The following LRRC8E variants were observed in gnomAD, a reference collection of about 807,000 sequenced individuals.
LRRC8E encodes volume-regulated anion channel subunit LRRC8E.
In LRRC8E, 6 loss-of-function variants were observed where a neutral mutation model predicts 6.1. The observed-to-expected ratio is 0.98, with a 90% CI of 0.54 to 1.93. The LOEUF (loss-of-function observed/expected upper bound fraction) is 1.93, where lower values mean the gene tolerates loss of function less well. LRRC8E is among the 30% of genes most tolerant of loss of function. LRRC8E has a pLI of 0.01. For synonymous variants in LRRC8E, 485 were observed against 472.8 expected (o/e 1.03, Z -0.33); for missense variants, 1,028 against 1,031.4 (o/e 1.00, Z 0.04).
Position 7,901,075 on chromosome 19 carries a change from G to T in LRRC8E, c.*162G>T. The T allele has an allele frequency of 1.7e-6, 1 of 604,370 alleles. No homozygotes were observed. 37.4% of individuals were successfully genotyped at this position (604,370 alleles called of 1,614,324 possible). A position where few individuals can be genotyped will look rare whatever the true frequency, so the allele number is the denominator to read the frequency against. On this transcript the variant is annotated 3_prime_UTR_variant, in exon 3 of 3. Coordinates refer to ENST00000306708, the MANE Select transcript of LRRC8E (RefSeq NM_025061.6). The stretch of plus-strand genomic sequence containing the variant: ...CTGGGGCCCAGGAGGATCTGGGCTG[G>T]TTTGTCTGGGGAGACAGACAGGATG...
chr19:7,893,583 C>T (rs1210438157), intron 1 of LRRC8E: 1 of 150,926 alleles, frequency 6.6e-6, no homozygotes, highest in African/African-American at 2.4e-5. Flanking sequence ...AGTCTCGCTC[C>T]GTCTCCCAGG....
rs1981986502 is a variant in LRRC8E, at chr19:7,901,025, G to GGC, written c.*113_*114insCG. ...GTGGGTCCAGGCCAGGAGATGGGGG[G>GGC]GGCGGGGGCAGCTGTGTCATCTTTC... is the stretch of plus-strand genomic sequence containing the variant. On this transcript the variant is annotated 3_prime_UTR_variant, in exon 3 of 3. Transcript: ENST00000306708. The GGC allele has an allele frequency of 3.1e-6, 2 of 644,768 alleles. No individual in the cohort carries two copies. Among genetic ancestry groups the GGC allele is most frequent in the South Asian group, 2.5e-5 (1 of 40,234 alleles). 39.9% of individuals were successfully genotyped at this position (644,768 alleles called of 1,614,324 possible). A position where few individuals can be genotyped will look rare whatever the true frequency, so the allele number is the denominator to read the frequency against.
intron 1 of LRRC8E, among the ~76,000 whole-genome samples, chr19:7,890,331 T>C: frequency 6.6e-6 from 1 of 152,206 alleles, no homozygotes; most frequent in Middle Eastern, 3.2e-3. Context: ...CCTTCCAGCC[T>C]GGCCTGCCAC....
chr19:7,890,737 C>T (rs974551118), intron 1 of LRRC8E, among the ~76,000 whole-genome samples: 5 of 150,942 alleles, frequency 3.3e-5, no homozygotes, highest in Non-Finnish European at 4.4e-5. Flanking sequence ...TGCAGTGAGC[C>T]GAGATCACAC....
In LRRC8E at chr19:7,899,871, T is replaced by C. The variant is rs1427507752; in HGVS notation, c.1349T>C (p.Ile450Thr). 13 of 1,606,464 alleles carry C rather than the reference T, an allele frequency of 8.1e-6. No homozygotes were observed. The highest frequency in any genetic ancestry group is 2.7e-5 in the African/African-American group (2 of 74,938). ...ESLRLEAICD[I>T]TFPPGLSQLV... The stretch of plus-strand genomic sequence containing the variant: ...CTCAGGCTGGAGGCCATCTGCGATA[T>C]CACCTTCCCCCCGGGGCTGTCACAG... The change falls in exon 3 of 3, where the codon ATC (isoleucine) becomes ACC (threonine). Residue 450 changes from isoleucine to threonine, a missense_variant. Physicochemically the swap from Ile to Thr is moderately conservative, Grantham distance 89. Transcript: ENST00000306708.
rs200561127 is a variant in LRRC8E, at chr19:7,900,802, G to A, written c.2280G>A (p.Leu760=). 1.3e-4 allele frequency: 211 copies of A among 1,600,004 alleles called. 2 individuals are homozygous for A. The highest frequency in any genetic ancestry group is 2.2e-5 in the Non-Finnish European group (26 of 1,171,994). ...TCAAAGGCAACCGCTTAGAGGCGCT[G>A]CCAGAAGAACTTGGCAACTGTGGGG... ...LELKGNRLEA[L]PEELGNCGGL... is the part of the protein sequence containing the mutation. The change falls in exon 3 of 3, where the codon CTG becomes CTA. Residue 760 remains leucine, a synonymous_variant. Coordinates refer to ENST00000306708, the MANE Select transcript of LRRC8E (RefSeq NM_025061.6). The surrounding 1 kb of genome is among the most constrained non-coding windows in gnomAD (Gnocchi z 5.0).
chr19:7,896,392 G>A (rs1052374476), intron 2 of LRRC8E, among the ~76,000 whole-genome samples: 5 of 150,786 alleles, frequency 3.3e-5, no homozygotes, highest in African/African-American at 9.7e-5. Context: ...TGGCCAACAC[G>A]GTGAAAACCC....
intron 1 of LRRC8E, among the ~76,000 whole-genome samples, chr19:7,894,323 T>C (rs529320924): frequency 3.9e-5 from 6 of 152,308 alleles, no homozygotes; most frequent in South Asian, 2.1e-4. Context: ...CCTCCCCGGA[T>C]CAAGACCCTC....
chr19:7,890,275 G>A lies in LRRC8E; in HGVS notation c.-6+1675G>A, dbSNP rs574571914. On this transcript the variant is annotated intron_variant, in intron 1 of 2. Coordinates refer to ENST00000306708, the MANE Select transcript of LRRC8E (RefSeq NM_025061.6). ...AGGGAGGAGGGGTGAGGCATGGGTGGATGGAGCCAGGGCTGGTGGGAGCCA... is the reference window on the plus strand; with the variant it reads ...AGGGAGGAGGGGTGAGGCATGGGTGAATGGAGCCAGGGCTGGTGGGAGCCA... Among the ~76,000 whole-genome samples the A allele has an allele frequency of 1.1e-3, 160 of 152,308 alleles. 1 individual carries two copies. Among genetic ancestry groups the A allele is most frequent in the Middle Eastern group, 0.01 (3 of 294 alleles).
chr19:7,891,530 TG>T (rs1883772806), intron 1 of LRRC8E, among the ~76,000 whole-genome samples: 2 of 128,506 alleles, frequency 1.6e-5, no homozygotes, highest in African/African-American at 5.5e-5. Flanking sequence ...CTCGGGTGTG[TG>T]TGTGTGTGTG....
Position 7,899,420 on chromosome 19 carries a change from T to C in LRRC8E, c.898T>C (p.Cys300Arg). 1.2e-6 allele frequency: 2 copies of C among 1,614,198 alleles called. No homozygotes were observed. The highest frequency in any genetic ancestry group is 1.7e-6 in the Non-Finnish European group (2 of 1,180,040). Residue 300 changes from cysteine (C) to arginine (R), a missense_variant, in exon 3 of 3, where the codon TGC (cysteine) becomes CGC (arginine). Coordinates refer to ENST00000306708, the MANE Select transcript of LRRC8E (RefSeq NM_025061.6). The part of the protein sequence containing the change: ...TSEVTGYASF[C>R]CNHTKAHLFS... ...AGAGGTCACGGGCTACGCCAGCTTC[T>C]GCTGCAACCACACCAAGGCCCACCT...
chr19:7,897,467 T>G (rs924084370), intron 2 of LRRC8E, among the ~76,000 whole-genome samples: 1 of 149,734 alleles, frequency 6.7e-6, no homozygotes, highest in African/African-American at 2.5e-5. Context: ...CATGAGCCAC[T>G]GCGCCTGGTC....
chr19:7,889,184 C>G (rs55986535), intron 1 of LRRC8E, among the ~76,000 whole-genome samples: 51,056 of 151,962 alleles, frequency 0.34, 8,911 homozygotes, highest in African/African-American at 0.37. Context: ...GGACACCGTG[C>G]CTTACGTCTA....
Position 7,900,880 on chromosome 19 carries a change from G to C in LRRC8E, c.2358G>C (p.Pro786=). The stretch of plus-strand genomic sequence containing the variant: ...AAGACACGCTTTACCAGGGTCTGCC[G>C]GCAGAAGTGCGGGACAAGATGGAGG... The part of the protein sequence containing the change: ...LVEDTLYQGL[P]AEVRDKMEEE The change falls in exon 3 of 3, where the codon CCG becomes CCC. Residue 786 remains proline, a synonymous_variant. Transcript: ENST00000306708. The surrounding 1 kb of genome is among the most constrained non-coding windows in gnomAD (Gnocchi z 5.0). The C allele has an allele frequency of 1.3e-6, 2 of 1,531,674 alleles. No homozygotes were observed. The highest frequency in any genetic ancestry group is 1.8e-6 in the Non-Finnish European group (2 of 1,141,866). The allele number at this position is 1,531,674 out of a possible 1,614,324, so 94.9% of individuals were successfully genotyped here. A position where few individuals can be genotyped will look rare whatever the true frequency, so the allele number is the denominator to read the frequency against.
chr19:7,899,561 G>C lies in LRRC8E; in HGVS notation c.1039G>C (p.Val347Leu), dbSNP rs770333351. Residue 347 changes from valine to leucine, a missense_variant, in exon 3 of 3, where the codon GTG becomes CTG. Transcript: ENST00000306708. The part of the protein sequence containing the change: ...RPLKEYSFRS[V>L]REETGMGDIP... ...CCTCAAGGAGTACTCCTTCCGTTCC[G>C]TGCGGGAGGAGACTGGCATGGGGGA... 2 of 1,613,864 alleles carry C rather than the reference G, an allele frequency of 1.2e-6. No individual in the cohort carries two copies. The highest frequency in any genetic ancestry group is 1.6e-4 in the Middle Eastern group (1 of 6,062).
intron 1 of LRRC8E, among the ~76,000 whole-genome samples, chr19:7,893,111 A>G (rs1981401511): frequency 1.3e-5 from 2 of 152,016 alleles, no homozygotes. Flanking sequence ...GGTTCAAGCG[A>G]TCCTCCTGCC....
chr19:7,889,447 A>C lies in LRRC8E; in HGVS notation c.-6+847A>C, dbSNP rs58542469. Reference sequence around the variant, plus strand: ...ACAGAGCGACACTCCATCTCAAAAAAAAAAAAAGATTGAGGCCAGGCACAG... The same window carrying C: ...ACAGAGCGACACTCCATCTCAAAAACAAAAAAAGATTGAGGCCAGGCACAG... On this transcript the variant is annotated intron_variant, in intron 1 of 2. Coordinates refer to ENST00000306708, the MANE Select transcript of LRRC8E (RefSeq NM_025061.6). 1.3e-4 allele frequency among the ~76,000 whole-genome samples: 16 copies of C among 125,174 alleles called. No homozygotes were observed. In the South Asian group the frequency reaches 2.9e-3, roughly 22 times the overall value. The allele number at this position is 125,174 out of a possible 152,430, so 82.1% of individuals were successfully genotyped here.
chr19:7,899,983 G>C lies in LRRC8E; in HGVS notation c.1461G>C (p.Lys487Asn). Residue 487 changes from lysine (K) to asparagine (N), a missense_variant, in exon 3 of 3, where the codon AAG (lysine) becomes AAC (asparagine). Coordinates refer to ENST00000306708, the MANE Select transcript of LRRC8E (RefSeq NM_025061.6). Reference sequence around the variant, plus strand: ...AGGTCTTCCTGCGGGACCACCTGAAGGTGATGCGCGTCAAATGCGAGGAGC... The same window carrying C: ...AGGTCTTCCTGCGGGACCACCTGAACGTGATGCGCGTCAAATGCGAGGAGC... Reference protein sequence around the residue: ...SLQVFLRDHLKVMRVKCEELR... With the variant: ...SLQVFLRDHLNVMRVKCEELR... 6.2e-7 allele frequency: 1 copy of C among 1,609,638 alleles called. No individual in the cohort carries two copies.
At position 7,894,741 on chromosome 19, in the gene LRRC8E, T is replaced by C. The variant is rs112521419; in HGVS notation, c.-5-858T>C. 1.4e-3 allele frequency among the ~76,000 whole-genome samples: 220 copies of C among 152,270 alleles called. 2 individuals carry two copies. The highest frequency in any genetic ancestry group is 0.01 in the Middle Eastern group (3 of 294). On this transcript the variant is annotated intron_variant, in intron 1 of 2. Transcript: ENST00000306708. ...GCTGGCCTGTCTGTATCTGTAATAG[T>C]GATAGCTTGGTCTAAAAGGAGACCC...
Sources: allele counts gnomAD v4.1 joint callset (sites outside exome capture counted in the v4.1 genomes callset), GRCh38; gene constraint gnomAD v4.1.1; non-coding constraint Gnocchi (gnomAD v3.1); transcripts MANE v1.5; gene names NCBI Gene and HGNC (gene_info 2026-07-23, HGNC 2026-07-21).